Variants in SIK3 observed in about 807,000 individuals in gnomAD.
SIK3 encodes the protein SIK family kinase 3.
SIK3 carries 28 observed loss-of-function variants against 144.2 expected under a neutral mutation model. That is an observed-to-expected ratio of 0.19 (90% CI 0.14 to 0.27). The LOEUF (loss-of-function observed/expected upper bound fraction) is 0.27. Among genes scored for constraint, SIK3 ranks in the 10% least tolerant of loss-of-function variants. The pLI is 1.00. For missense variants in SIK3, 1,319 were observed against 1,776.0 expected (o/e 0.74, Z 4.62); for synonymous variants, 686 against 676.3 (o/e 1.01, Z -0.22).
At position 116,875,430 on chromosome 11, in the gene SIK3, T is replaced by A. The variant is rs777566744; in HGVS notation, c.1261A>T (p.Met421Leu). The change falls in exon 10 of 25, where the codon ATG becomes TTG. Residue 421 changes from methionine to leucine, a missense_variant. By Grantham distance (15) the Met-to-Leu change is conservative. This residue lies in a region of SIK3 where 109 missense variants were observed against 109.3 expected (regional missense o/e 1.00). Coordinates refer to ENST00000445177, the MANE Select transcript of SIK3 (RefSeq NM_001366686.3). ...TGCACCTGGGGAACGCTGATGTTCA[T>A]AGCAGTACCTGCCTGCTCCGCCTGG... is the stretch of plus-strand genomic sequence containing the variant. Reference protein sequence around the residue: ...NIQAEQAGTAMNISVPQVQLI... With the variant: ...NIQAEQAGTALNISVPQVQLI... The A allele has an allele frequency of 6.2e-7, 1 of 1,614,206 alleles. No homozygotes were observed. Among genetic ancestry groups the A allele is most frequent in the Non-Finnish European group, 8.5e-7 (1 of 1,180,028 alleles).
At chr11:117,009,491 T>C (rs976212102) in intron 1 of SIK3, among the ~76,000 whole-genome samples, 2 of 151,126 alleles carry the variant, frequency 1.3e-5, no homozygotes, top group Admixed American at 6.6e-5. Flanking sequence ...GCCCAGGAGG[T>C]TGAGGCTGCA....
intron 1 of SIK3, among the ~76,000 whole-genome samples, chr11:116,964,517 T>C (rs1305148587): frequency 6.6e-6 from 1 of 152,134 alleles, no homozygotes; most frequent in East Asian, 1.9e-4. Flanking sequence ...GGACTCTACA[T>C]GGCCAGCAAA....
intron 11 of SIK3, 55 bp from the exon 12 acceptor site, chr11:116,874,111 C>T (rs1170503867): frequency 1.3e-6 from 2 of 1,574,716 alleles, no homozygotes; most frequent in African/African-American, 2.7e-5. Flanking sequence ...CTCAAAAGTG[C>T]TTATATCCCA....
intron 1 of SIK3, among the ~76,000 whole-genome samples, chr11:117,043,470 C>T (rs1952830011): frequency 1.3e-5 from 2 of 152,184 alleles, no homozygotes; most frequent in South Asian, 4.1e-4. Flanking sequence ...TGAAATCCAT[C>T]TGATATTCAA....
chr11:116,925,300 T>C (rs1947215326), intron 4 of SIK3, among the ~76,000 whole-genome samples: 1 of 152,122 alleles, frequency 6.6e-6, no homozygotes, highest in African/African-American at 2.4e-5. Context: ...TCCTGGATTA[T>C]CTGAGACAGC....
chr11:116,851,778 T>G (rs1201527636), intron 21 of SIK3, among the ~76,000 whole-genome samples: 1 of 152,212 alleles, frequency 6.6e-6, no homozygotes, highest in Admixed American at 6.5e-5. Context: ...TTCCTCTCAG[T>G]GGGCACTGCT....
At chr11:116,965,601 A>C (rs1004280587) in intron 1 of SIK3, among the ~76,000 whole-genome samples, 17 of 151,298 alleles carry the variant, frequency 1.1e-4, no homozygotes, top group African/African-American at 4.1e-4. Context: ...CCTAAAAAAA[A>C]GAGAGGGAAG....
At chr11:116,910,196 T>C (rs1461503656) in intron 4 of SIK3, among the ~76,000 whole-genome samples, 1 of 152,140 alleles carries the variant, frequency 6.6e-6, no homozygotes, top group African/African-American at 2.4e-5. Flanking sequence ...TTTTTGTCTA[T>C]AATATCACTT....
At chr11:117,031,947 A>G (rs1202517354) in intron 1 of SIK3, among the ~76,000 whole-genome samples, 13 of 152,176 alleles carry the variant, frequency 8.5e-5, no homozygotes, top group Admixed American at 8.5e-4. Context: ...CAGGTATGTA[A>G]GTTATATCTC....
At chr11:117,017,620 A>G (rs1377372983) in intron 1 of SIK3, among the ~76,000 whole-genome samples, 5 of 152,186 alleles carry the variant, frequency 3.3e-5, no homozygotes, top group African/African-American at 9.7e-5. Context: ...ACATGAAGTA[A>G]AAGTCATTTA....
At chr11:116,907,955 A>C (rs1271176110) in intron 4 of SIK3, among the ~76,000 whole-genome samples, 1 of 151,356 alleles carries the variant, frequency 6.6e-6, no homozygotes, top group Non-Finnish European at 1.5e-5. Context: ...TTATAGCCCT[A>C]ATGTGAAAGG....
At chr11:117,028,807 A>G (rs911206187) in intron 1 of SIK3, among the ~76,000 whole-genome samples, 1 of 152,170 alleles carries the variant, frequency 6.6e-6, no homozygotes, top group East Asian at 1.9e-4. Flanking sequence ...GCTACAGAGA[A>G]CAGGCTTTAT....
intron 21 of SIK3, among the ~76,000 whole-genome samples, chr11:116,853,466 C>T (rs1942625396): frequency 6.6e-6 from 1 of 152,218 alleles, no homozygotes; most frequent in Admixed American, 6.5e-5. Flanking sequence ...CGTCCGATCA[C>T]ACAAGGGGAA....
At chr11:116,929,298 T>TAA (rs1947464020) in intron 3 of SIK3, among the ~76,000 whole-genome samples, 1 of 152,156 alleles carries the variant, frequency 6.6e-6, no homozygotes, top group South Asian at 2.1e-4. Flanking sequence ...TTGAGAAACA[T>TAA]AAAAATAAAC....
chr11:117,081,483 G>C (rs1416484915), intron 1 of SIK3, among the ~76,000 whole-genome samples: 11 of 152,184 alleles, frequency 7.2e-5, no homozygotes, highest in African/African-American at 2.7e-4. Flanking sequence ...GATTAGCCGG[G>C]CGTGATGGCA....
At chr11:116,899,899 T>C (rs1190592920) in intron 4 of SIK3, among the ~76,000 whole-genome samples, 2 of 152,192 alleles carry the variant, frequency 1.3e-5, no homozygotes, top group Non-Finnish European at 2.9e-5. Flanking sequence ...CCAGTTTTAC[T>C]CTTGTTGACA....
chr11:117,005,336 G>GGAA (rs376970605), intron 1 of SIK3, among the ~76,000 whole-genome samples: 1 of 55,964 alleles, frequency 1.8e-5, no homozygotes, highest in South Asian at 1.0e-3. Context: ...CCCCGTCTCA[G>GGAA]AAAAAAAAAA....
chr11:116,867,685 T>C lies in SIK3; in HGVS notation c.1952+261A>G. 2.9e-6 allele frequency: 1 copy of C among 346,506 alleles called. No homozygotes were observed. The highest frequency in any genetic ancestry group is 5.2e-6 in the Non-Finnish European group (1 of 193,194). The allele number at this position is 346,506 out of a possible 1,614,324, so 21.5% of individuals were successfully genotyped here. On this transcript the variant is annotated intron_variant, in intron 15 of 24. Transcript: ENST00000445177. The surrounding 1 kb of genome is among the most constrained non-coding windows in gnomAD (Gnocchi z 4.1). ...TCAATTTTATCTATGAATCAACATC[T>C]AGAATCATGGGAATCAAATGCAGAC...
At chr11:116,965,288 T>C (rs189670306) in intron 1 of SIK3, among the ~76,000 whole-genome samples, 5 of 152,230 alleles carry the variant, frequency 3.3e-5, no homozygotes, top group South Asian at 2.1e-4. Flanking sequence ...ACTGACATGA[T>C]TGTTATTGTT....
Sources: allele counts gnomAD v4.1 joint callset (sites outside exome capture counted in the v4.1 genomes callset), GRCh38; gene constraint gnomAD v4.1.1; regional missense constraint gnomAD v4.1.1; non-coding constraint Gnocchi (gnomAD v3.1); transcripts MANE v1.5; gene names NCBI Gene and HGNC (gene_info 2026-07-23, HGNC 2026-07-21).